The following FGF12 variants were observed in gnomAD, a reference collection of about 807,000 sequenced individuals.
FGF12 encodes fibroblast growth factor 12B.
FGF12 carries 14 observed loss-of-function variants against 23.6 expected under a neutral mutation model. The ratio of observed to expected loss-of-function variants is 0.59; its 90% CI spans 0.39 to 0.93. The LOEUF is 0.93. Among genes scored for constraint, FGF12 ranks in the 40% least tolerant of loss-of-function variants. FGF12 has a pLI of 0.00. For synonymous variants in FGF12, 62 were observed against 77.3 expected, an observed-to-expected ratio of 0.80 and a Z score of 1.04; for missense variants, 175 against 217.8, an observed-to-expected ratio of 0.80 and a Z score of 1.24.
At chr3:192,178,022 C>A (rs1391322304) in intron 4 of FGF12, among the ~76,000 whole-genome samples, 1 of 151,916 alleles carries the variant, frequency 6.6e-6, no homozygotes, top group Non-Finnish European at 1.5e-5. Context: ...AATTAAACAA[C>A]AAATCGACTC....
intron 2 of FGF12, among the ~76,000 whole-genome samples, chr3:192,475,883 GATAGATAGATA>G (rs1456681539): frequency 6.6e-6 from 1 of 152,092 alleles, no homozygotes; most frequent in Non-Finnish European, 1.5e-5. Context: ...TCAGATAGAT[GATAGATAGATA>G]ATAGATAGAT....
At chr3:192,553,970 G>C (rs1456405649) in intron 2 of FGF12, among the ~76,000 whole-genome samples, 3 of 152,172 alleles carry the variant, frequency 2.0e-5, no homozygotes, top group African/African-American at 7.2e-5. Flanking sequence ...AATGAGTAGG[G>C]AGAAAAAGAA....
At chr3:192,158,340 T>C (rs1025977042) in intron 5 of FGF12, among the ~76,000 whole-genome samples, 1 of 67,782 alleles carries the variant, frequency 1.5e-5, no homozygotes, top group Non-Finnish European at 3.1e-5. Context: ...TTCTCTTTCT[T>C]TCTTTCTTTC....
intron 2 of FGF12, among the ~76,000 whole-genome samples, chr3:192,443,176 G>A (rs868177845): frequency 1.3e-5 from 2 of 152,096 alleles, no homozygotes; most frequent in African/African-American, 4.8e-5. Context: ...GGGAAGACTG[G>A]ATTTCAGTTG....
intron 2 of FGF12, among the ~76,000 whole-genome samples, chr3:192,679,661 C>T (rs1053216998): frequency 2.0e-5 from 3 of 151,962 alleles, no homozygotes; most frequent in Admixed American, 2.0e-4. Flanking sequence ...AGATAGACAT[C>T]TAGATTCATC....
Position 192,668,745 on chromosome 3 carries a change from G to A in FGF12, c.13+58436C>T, listed in dbSNP as rs563533199. Among the ~76,000 whole-genome samples, 16 of 152,186 alleles carry A rather than the reference G, an allele frequency of 1.1e-4. No homozygotes were observed. The South Asian group carries it at 3.3e-3, about 32-fold the overall frequency. On this transcript the variant is annotated intron_variant, in intron 2 of 5. Transcript: ENST00000445105. ...GCACTACTAGAGAGCAATCTCCAAAGAAAATGACACCTCAAATAAGAATCC... is the reference window on the plus strand; with the variant it reads ...GCACTACTAGAGAGCAATCTCCAAAAAAAATGACACCTCAAATAAGAATCC...
intron 2 of FGF12, among the ~76,000 whole-genome samples, chr3:192,661,258 A>G (rs1577105959): frequency 6.6e-6 from 1 of 152,236 alleles, no homozygotes; most frequent in Non-Finnish European, 1.5e-5. Context: ...GCTGTGGCTC[A>G]CGCCTGCAAT....
chr3:192,205,146 G>C (rs991936370), intron 4 of FGF12, among the ~76,000 whole-genome samples: 1 of 152,052 alleles, frequency 6.6e-6, no homozygotes, highest in Non-Finnish European at 1.5e-5. Flanking sequence ...GAAAAAAAAA[G>C]ATTAATCTAA....
intron 2 of FGF12, among the ~76,000 whole-genome samples, chr3:192,580,925 T>C (rs1713106541): frequency 6.6e-6 from 1 of 152,218 alleles, no homozygotes; most frequent in Non-Finnish European, 1.5e-5. Context: ...ATGACACTAA[T>C]ACATGTTGTG....
intron 2 of FGF12, among the ~76,000 whole-genome samples, chr3:192,572,000 T>G (rs73060508): frequency 0.014 from 2,108 of 151,486 alleles, 42 homozygotes; most frequent in African/African-American, 0.048. Context: ...TCCTCATACA[T>G]CTCTGACTTA....
intron 2 of FGF12, among the ~76,000 whole-genome samples, chr3:192,654,931 A>G (rs1318418539): frequency 6.6e-6 from 1 of 152,030 alleles, no homozygotes; most frequent in Non-Finnish European, 1.5e-5. Context: ...GATGGACCAC[A>G]TTTTTTACTT....
intron 2 of FGF12, among the ~76,000 whole-genome samples, chr3:192,396,413 C>T (rs149775279): frequency 1.1e-3 from 168 of 152,340 alleles, no homozygotes; most frequent in African/African-American, 3.6e-3. Context: ...AGACACAGAA[C>T]AGGCAGATAG....
intron 2 of FGF12, among the ~76,000 whole-genome samples, chr3:192,505,818 C>G (rs1724274214): frequency 6.6e-6 from 1 of 152,104 alleles, no homozygotes; most frequent in African/African-American, 2.4e-5. Flanking sequence ...AGGGTAACAG[C>G]CTGCTAAGTG....
chr3:192,448,490 C>T (rs1722427682), intron 2 of FGF12, among the ~76,000 whole-genome samples: 1 of 152,098 alleles, frequency 6.6e-6, no homozygotes, highest in African/African-American at 2.4e-5. Context: ...TAACAATATA[C>T]CAGAACTGTA....
chr3:192,493,749 C>T (rs572044082), intron 2 of FGF12, among the ~76,000 whole-genome samples: 60 of 152,190 alleles, frequency 3.9e-4, no homozygotes, highest in African/African-American at 1.4e-3. Flanking sequence ...TTTAAATAAC[C>T]AGATCTCAGG....
chr3:192,525,361 G>A (rs1405774768), intron 2 of FGF12, among the ~76,000 whole-genome samples: 1 of 152,106 alleles, frequency 6.6e-6, no homozygotes, highest in African/African-American at 2.4e-5. Flanking sequence ...ATATTTTAAT[G>A]AGCAACTACA....
intron 2 of FGF12, among the ~76,000 whole-genome samples, chr3:192,457,335 G>T (rs1403446771): frequency 2.6e-5 from 4 of 152,192 alleles, no homozygotes. Context: ...ACACTTTGTA[G>T]GGTTCAGAAG....
intron 5 of FGF12, among the ~76,000 whole-genome samples, chr3:192,167,777 T>TAA (rs1560175846): frequency 1.6e-4 from 6 of 38,258 alleles, no homozygotes; most frequent in Non-Finnish European, 2.1e-4. Context: ...ATAAAATTTT[T>TAA]TTTTTTTTTT....
rs770778718 is a variant in FGF12, at chr3:192,331,809, C to T, written c.228+3552G>A. On this transcript the variant is annotated intron_variant, in intron 4 of 5. Coordinates refer to ENST00000445105, the MANE Select transcript of FGF12 (RefSeq NM_004113.6). ...GAAAGAATATTAAACTGATGAGAAA[C>T]TTCTCATAATTAACAACAGATACCA... is the stretch of plus-strand genomic sequence containing the variant. 1.1e-4 allele frequency among the ~76,000 whole-genome samples: 17 copies of T among 152,010 alleles called. 1 individual carries two copies. The highest frequency in any genetic ancestry group is 1.8e-4 in the Non-Finnish European group (12 of 67,958).
Sources: allele counts gnomAD v4.1 joint callset (sites outside exome capture counted in the v4.1 genomes callset), GRCh38; gene constraint gnomAD v4.1.1; transcripts MANE v1.5; gene names NCBI Gene and HGNC (gene_info 2026-07-23, HGNC 2026-07-21).